SNX29: variants seen among roughly 807,000 people sequenced by gnomAD.
SNX29 encodes sorting nexin 29.
SNX29 carries 78 observed loss-of-function variants against 102.1 expected under a neutral mutation model. The observed-to-expected ratio is 0.76, with a 90% confidence interval of 0.64 to 0.92. The LOEUF is 0.92. Ranked by LOEUF, SNX29 falls within the 40% of genes least tolerant of loss-of-function variation. SNX29 has a pLI of 0.00. For missense variants in SNX29, 1,280 were observed against 1,061.7 expected (o/e 1.21, Z -2.86); for synonymous variants, 580 against 414.5 (o/e 1.40, Z -4.85).
chr16:12,388,757 T>G (rs1174880647), intron 16 of SNX29, among the ~76,000 whole-genome samples: 1 of 152,178 alleles, frequency 6.6e-6, no homozygotes, highest in African/African-American at 2.4e-5. Flanking sequence ...TATGGAGAGG[T>G]ACTGGGTTTA....
intron 15 of SNX29, among the ~76,000 whole-genome samples, chr16:12,317,089 G>A (rs574518256): frequency 6.6e-6 from 1 of 152,230 alleles, no homozygotes; most frequent in African/African-American, 2.4e-5. Context: ...TTCGGTTACA[G>A]TGTTTCTCCC....
chr16:11,995,474 A>C (rs917840008), intron 1 of SNX29, among the ~76,000 whole-genome samples: 2 of 152,126 alleles, frequency 1.3e-5, no homozygotes, highest in African/African-American at 4.8e-5. Context: ...GATCACAGCC[A>C]GGAAGTGTGA....
intron 13 of SNX29, among the ~76,000 whole-genome samples, chr16:12,164,089 G>A (rs938722585): frequency 5.3e-5 from 8 of 152,024 alleles, no homozygotes; most frequent in Non-Finnish European, 5.9e-5. Context: ...TTGGAGGTGC[G>A]GTGTGTGTGT....
intron 18 of SNX29, among the ~76,000 whole-genome samples, chr16:12,473,244 G>A (rs2087441149): frequency 6.6e-6 from 1 of 152,248 alleles, no homozygotes; most frequent in South Asian, 2.1e-4. Context: ...AACTTTGGAT[G>A]TTTGAAGCAC....
chr16:12,401,126 C>T (rs557749068), intron 17 of SNX29, among the ~76,000 whole-genome samples: 60 of 152,256 alleles, frequency 3.9e-4, no homozygotes, highest in South Asian at 6.2e-4. Context: ...CCACAGCCCC[C>T]GGCCTCAGTA....
intron 13 of SNX29, among the ~76,000 whole-genome samples, chr16:12,136,871 C>G (rs753359295): frequency 1.9e-4 from 29 of 152,192 alleles, no homozygotes; most frequent in Non-Finnish European, 3.8e-4. Flanking sequence ...TCCTGAGTAG[C>G]TGGGATTACA....
At chr16:12,538,365 C>T (rs1323141868) in intron 20 of SNX29, among the ~76,000 whole-genome samples, 5 of 152,184 alleles carry the variant, frequency 3.3e-5, no homozygotes, top group African/African-American at 4.8e-5. Flanking sequence ...GCTGACATTA[C>T]AGGCGTGAGC....
rs1290796143 is a variant in SNX29 at position 12,036,330 on chromosome 16, C to CTTTTTTTTTTTTTTTTTTTTT, written c.248-6564_248-6563insTTTTTTTTTTTTTTTTTTTTT. 1.7e-5 allele frequency among the ~76,000 whole-genome samples: 2 copies of CTTTTTTTTTTTTTTTTTTTTT among 117,672 alleles called. 1 individual carries two copies. The highest frequency in any genetic ancestry group is 3.6e-5 in the Non-Finnish European group (2 of 56,288). The allele number at this position is 117,672 out of a possible 152,430, so 77.2% of individuals were successfully genotyped here. A position where few individuals can be genotyped will look rare whatever the true frequency, so the allele number is the denominator to read the frequency against. ...TCTTGGGTTTTCTGTGTTTTTCTTT[C>CTTTTTTTTTTTTTTTTTTTTT]TTTCTTTTTTTTTTTTTTTTTTGAG... On this transcript the variant is annotated intron_variant, in intron 4 of 20. Coordinates refer to ENST00000566228, the MANE Select transcript of SNX29 (RefSeq NM_032167.5).
chr16:12,538,804 A>T (rs1210563281), intron 20 of SNX29, among the ~76,000 whole-genome samples: 1 of 152,188 alleles, frequency 6.6e-6, no homozygotes. Context: ...ACAAGGCAGA[A>T]ACCAGAGTCA....
chr16:12,007,954 C>T lies in SNX29; in HGVS notation c.122+4911C>T, dbSNP rs112939436. 7.0e-3 allele frequency among the ~76,000 whole-genome samples: 1,065 copies of T among 152,050 alleles called. 4 individuals carry two copies. Among genetic ancestry groups the T allele is most frequent in the Non-Finnish European group, 0.012 (822 of 67,944 alleles). ...TAAAGCTTTTCACTACTTTTTCTTT[C>T]TTTTTTTGAGATGGAGTCTCGCTCT... On this transcript the variant is annotated intron_variant, in intron 3 of 20. Transcript: ENST00000566228.
chr16:12,061,713 C>G, intron 9 of SNX29, 67 bp downstream of exon 9: 1 of 1,387,992 alleles, frequency 7.2e-7, no homozygotes, highest in South Asian at 1.3e-5. Flanking sequence ...GCAGGAATGT[C>G]TGAGTTCCCT....
rs144049522 is a variant in SNX29 at position 12,231,194 on chromosome 16, C to T, written c.1678+31511C>T. On this transcript the variant is annotated intron_variant, in intron 14 of 20. Coordinates refer to ENST00000566228, the MANE Select transcript of SNX29 (RefSeq NM_032167.5). ...AACATTAAACTGTCTGATTAGGAAA[C>T]AGAGGCACAGGTTGATTAAATAGGA... Among the ~76,000 whole-genome samples the T allele has an allele frequency of 2.4e-3, 366 of 152,224 alleles. 5 individuals are homozygous for T. In the East Asian group the frequency reaches 0.04, roughly 16 times the overall value.
chr16:12,062,570 C>G (rs955895381), intron 9 of SNX29, among the ~76,000 whole-genome samples: 1 of 152,070 alleles, frequency 6.6e-6, no homozygotes, highest in African/African-American at 2.4e-5. Flanking sequence ...ATGCAGCTGG[C>G]ACAGCATCTG....
chr16:12,545,150 A>G (rs2077530623), intron 20 of SNX29, among the ~76,000 whole-genome samples: 1 of 152,216 alleles, frequency 6.6e-6, no homozygotes, highest in Non-Finnish European at 1.5e-5. Flanking sequence ...GCTATGAAGT[A>G]CAGACACTCT....
At chr16:12,567,388 G>C (rs1343007471) in intron 20 of SNX29, among the ~76,000 whole-genome samples, 1 of 152,202 alleles carries the variant, frequency 6.6e-6, no homozygotes, top group African/African-American at 2.4e-5. Context: ...TCCCAGTGAG[G>C]TATTTACTTC....
At chr16:12,439,384 ATTAG>A (rs1462972774) in intron 18 of SNX29, among the ~76,000 whole-genome samples, 1 of 152,166 alleles carries the variant, frequency 6.6e-6, no homozygotes, top group Non-Finnish European at 1.5e-5. Flanking sequence ...TAGCCACTAT[ATTAG>A]TTTGTTTTTA....
Position 12,536,134 on chromosome 16 carries a change from T to C in SNX29, c.2318+11293T>C, listed in dbSNP as rs970121330. 4.6e-5 allele frequency among the ~76,000 whole-genome samples: 7 copies of C among 152,202 alleles called. No individual in the cohort carries two copies. The South Asian group carries it at 1.4e-3, about 32-fold the overall frequency. ...GGTGAACACAGCCCAGCTTTGGTGCTGGCACTCGCCTGTGAGCGCAGAATC... is the reference window on the plus strand; with the variant it reads ...GGTGAACACAGCCCAGCTTTGGTGCCGGCACTCGCCTGTGAGCGCAGAATC... On this transcript the variant is annotated intron_variant, in intron 20 of 20. Coordinates refer to ENST00000566228, the MANE Select transcript of SNX29 (RefSeq NM_032167.5).
chr16:12,216,683 T>C (rs566186900), intron 14 of SNX29, among the ~76,000 whole-genome samples: 23 of 152,220 alleles, frequency 1.5e-4, no homozygotes, highest in Non-Finnish European at 2.9e-4. Flanking sequence ...CAGTGTGACC[T>C]TGGGCACATT....
At position 12,569,048 on chromosome 16, in the gene SNX29, C is replaced by G. The variant is rs530516224; in HGVS notation, c.*419C>G. On this transcript the variant is annotated 3_prime_UTR_variant, in exon 21 of 21. Coordinates refer to ENST00000566228, the MANE Select transcript of SNX29 (RefSeq NM_032167.5). ...CTCTCCACTCTTTCCCACGTGGGGACTAGAATGACTATTAGCCTCTCCTTT... is the reference window on the plus strand; with the variant it reads ...CTCTCCACTCTTTCCCACGTGGGGAGTAGAATGACTATTAGCCTCTCCTTT... The G allele has an allele frequency of 3.2e-5, 7 of 217,628 alleles. No homozygotes were observed. Among genetic ancestry groups the G allele is most frequent in the Admixed American group, 6.7e-5 (1 of 14,948 alleles). The allele number at this position is 217,628 out of a possible 1,614,324, so 13.5% of individuals were successfully genotyped here. A position where few individuals can be genotyped will look rare whatever the true frequency, so the allele number is the denominator to read the frequency against.
Sources: allele counts gnomAD v4.1 joint callset (sites outside exome capture counted in the v4.1 genomes callset), GRCh38; gene constraint gnomAD v4.1.1; transcripts MANE v1.5; gene names NCBI Gene and HGNC (gene_info 2026-07-23, HGNC 2026-07-21).